Variants in SERINC5 observed in about 807,000 individuals in gnomAD.
SERINC5 encodes serine incorporator 5, also known as chromosome 5 open reading frame 12.
Under a neutral mutation model 63.1 loss-of-function variants are expected in SERINC5, and 41 were observed. The ratio of observed to expected loss-of-function variants is 0.65; its 90% confidence interval spans 0.51 to 0.84. The LOEUF is 0.84. Among genes scored for constraint, SERINC5 ranks in the 40% least tolerant of loss-of-function variants. SERINC5 has a pLI of 0.00. For synonymous variants in SERINC5, 222 were observed against 215.2 expected, an observed-to-expected ratio of 1.03 and a Z score of -0.28; for missense variants, 523 against 573.0, an observed-to-expected ratio of 0.91 and a Z score of 0.89.
At chr5:80,123,807 T>C (rs1172603371) in intron 11 of SERINC5, among the ~76,000 whole-genome samples, 5 of 152,194 alleles carry the variant, frequency 3.3e-5, no homozygotes, top group East Asian at 1.9e-4. Flanking sequence ...CTGGAAGTTA[T>C]GGAAGGGGAA....
chr5:80,156,033 G>A (rs1746499096), intron 8 of SERINC5, among the ~76,000 whole-genome samples: 1 of 152,082 alleles, frequency 6.6e-6, no homozygotes, highest in South Asian at 2.1e-4. Flanking sequence ...TTTGGGGGTG[G>A]GGCTTGGGGG....
intron 11 of SERINC5, among the ~76,000 whole-genome samples, chr5:80,124,655 C>T (rs916900601): frequency 6.6e-6 from 1 of 152,196 alleles, no homozygotes; most frequent in Non-Finnish European, 1.5e-5. Flanking sequence ...TCTTAGAAAT[C>T]TTGTCTTCTT....
intron 8 of SERINC5, among the ~76,000 whole-genome samples, chr5:80,155,216 G>T (rs897796974): frequency 6.6e-6 from 1 of 152,210 alleles, no homozygotes; most frequent in African/African-American, 2.4e-5. Context: ...TGGAGGCCAG[G>T]ATTTGTCACA....
At chr5:80,237,492 C>T (rs1405940844) in intron 1 of SERINC5, among the ~76,000 whole-genome samples, 1 of 151,816 alleles carries the variant, frequency 6.6e-6, no homozygotes, top group Non-Finnish European at 1.5e-5. Context: ...CGCCACCACG[C>T]CCATCTAATG....
In SERINC5 at chr5:80,143,373, G is replaced by A. The variant is rs1425863024; in HGVS notation, c.*290C>T. On this transcript the variant is annotated 3_prime_UTR_variant, in exon 12 of 12. Coordinates refer to ENST00000507668, the MANE Select transcript of SERINC5 (RefSeq NM_001174072.3). ...GATGCTGTGCCCCAAATTCTGTTTTGGCAAAAACATGCAGAAGGAAGTCAA... is the reference window on the plus strand; with the variant it reads ...GATGCTGTGCCCCAAATTCTGTTTTAGCAAAAACATGCAGAAGGAAGTCAA... 9.0e-7 allele frequency: 1 copy of A among 1,116,934 alleles called. No individual in the cohort carries two copies. The highest frequency in any genetic ancestry group is 5.1e-5 in the East Asian group (1 of 19,798). 69.2% of individuals were successfully genotyped at this position (1,116,934 alleles called of 1,614,324 possible).
chr5:80,135,475 A>T (rs537798173), downstream of SERINC5, among the ~76,000 whole-genome samples: 1 of 152,348 alleles, frequency 6.6e-6, no homozygotes, highest in South Asian at 2.1e-4. Context: ...AAGACAAGTT[A>T]TCTGCCTCCC....
chr5:80,183,231 AC>A (rs1748570838), intron 2 of SERINC5, among the ~76,000 whole-genome samples: 1 of 152,222 alleles, frequency 6.6e-6, no homozygotes, highest in African/African-American at 2.4e-5. Flanking sequence ...AGAATGAAGC[AC>A]AAGAATGAGA....
intron 7 of SERINC5, 64 bp from the exon 8 acceptor site, chr5:80,159,026 A>G: frequency 6.3e-7 from 1 of 1,585,232 alleles, no homozygotes; most frequent in Non-Finnish European, 8.6e-7. Flanking sequence ...GCACAGAAGC[A>G]CTCATTTTGG....
chr5:80,137,165 A>G (rs1254023171), downstream of SERINC5, among the ~76,000 whole-genome samples: 1 of 107,968 alleles, frequency 9.3e-6, no homozygotes, highest in African/African-American at 3.6e-5. Context: ...AAAAAAAAAC[A>G]AAAAAAACAC....
At chr5:80,173,237 G>A (rs111758942) in intron 5 of SERINC5, among the ~76,000 whole-genome samples, 4 of 114,496 alleles carry the variant, frequency 3.5e-5, no homozygotes, top group African/African-American at 1.5e-4. Flanking sequence ...AAGGAAGGAA[G>A]GAAGGAAGGA....
chr5:80,127,373 C>T (rs1744784839), intron 11 of SERINC5, among the ~76,000 whole-genome samples: 1 of 152,212 alleles, frequency 6.6e-6, no homozygotes, highest in Admixed American at 6.5e-5. Flanking sequence ...TTCCATGAAA[C>T]CAGCAATATC....
chr5:80,125,566 A>C (rs1219004134), intron 11 of SERINC5, among the ~76,000 whole-genome samples: 1 of 152,212 alleles, frequency 6.6e-6, no homozygotes, highest in Non-Finnish European at 1.5e-5. Flanking sequence ...CTAGATATGA[A>C]GGAACTTGAA....
At chr5:80,162,462 C>T (rs1056089660) in intron 7 of SERINC5, among the ~76,000 whole-genome samples, 1 of 152,184 alleles carries the variant, frequency 6.6e-6, no homozygotes, top group Admixed American at 6.5e-5. Flanking sequence ...TAACCTCAAG[C>T]TCCTGGGCTC....
chr5:80,127,113 A>T (rs1457388206), intron 11 of SERINC5, among the ~76,000 whole-genome samples: 1 of 152,174 alleles, frequency 6.6e-6, no homozygotes, highest in Non-Finnish European at 1.5e-5. Context: ...CCATTACAGT[A>T]GATTTTATTA....
chr5:80,238,385 G>C (rs1055041647), intron 1 of SERINC5, among the ~76,000 whole-genome samples: 2 of 152,188 alleles, frequency 1.3e-5, no homozygotes, highest in African/African-American at 4.8e-5. Context: ...TCCACGCATA[G>C]AGCAGAACTT....
chr5:80,155,995 G>A (rs1481017287), intron 8 of SERINC5, among the ~76,000 whole-genome samples: 1 of 152,068 alleles, frequency 6.6e-6, no homozygotes, highest in African/African-American at 2.4e-5. Context: ...CAAGAGTCAG[G>A]ATGGAGATAC....
intron 1 of SERINC5, among the ~76,000 whole-genome samples, chr5:80,231,869 G>GCT (rs947704661): frequency 4.6e-5 from 7 of 152,124 alleles, no homozygotes; most frequent in Non-Finnish European, 5.9e-5. Context: ...GGGAGGCCAA[G>GCT]AAGGGAGGAT....
At chr5:80,134,428 G>T (rs1745072738), downstream of SERINC5, among the ~76,000 whole-genome samples, 3 of 152,220 alleles carry the variant, frequency 2.0e-5, no homozygotes, top group African/African-American at 7.2e-5. Context: ...GGAGATTGCA[G>T]TGAGCCAAGA....
intron 1 of SERINC5, among the ~76,000 whole-genome samples, chr5:80,214,180 G>A (rs1750560161): frequency 6.6e-6 from 1 of 152,156 alleles, no homozygotes; most frequent in South Asian, 2.1e-4. Flanking sequence ...ACTGAAAATA[G>A]TTAATATTAA....
Sources: allele counts gnomAD v4.1 joint callset (sites outside exome capture counted in the v4.1 genomes callset), GRCh38; gene constraint gnomAD v4.1.1; transcripts MANE v1.5; gene names NCBI Gene and HGNC (gene_info 2026-07-23, HGNC 2026-07-21).